The following GRM7 variants were observed in gnomAD, a reference collection of about 807,000 sequenced individuals.
GRM7 encodes metabotropic glutamate receptor 7.
GRM7 carries 35 observed loss-of-function variants against 84.5 expected under a neutral mutation model. The observed-to-expected ratio is 0.41, with a 90% CI of 0.32 to 0.55. The LOEUF is 0.55. Ranked by LOEUF, GRM7 falls within the 20% of genes least tolerant of loss-of-function variation. The pLI is 0.19. For missense variants in GRM7, 1,003 were observed against 1,194.6 expected, an observed-to-expected ratio of 0.84 and a Z score of 2.36; for synonymous variants, 487 against 455.1, an observed-to-expected ratio of 1.07 and a Z score of -0.89.
intron 7 of GRM7, among the ~76,000 whole-genome samples, chr3:7,560,634 A>C (rs886527253): frequency 3.3e-5 from 5 of 152,072 alleles, no homozygotes; most frequent in Non-Finnish European, 5.9e-5. Context: ...TTGTTGGTGC[A>C]TTCAAGTTTG....
At chr3:6,994,739 T>C (rs1173034106) in intron 1 of GRM7, among the ~76,000 whole-genome samples, 36 of 152,230 alleles carry the variant, frequency 2.4e-4, no homozygotes. Context: ...CAAAATCTTT[T>C]CCAATATCTT....
intron 7 of GRM7, among the ~76,000 whole-genome samples, chr3:7,515,949 C>G (rs188204366): frequency 6.6e-6 from 1 of 151,668 alleles, no homozygotes; most frequent in African/African-American, 2.4e-5. Flanking sequence ...TCAAGACGAG[C>G]CTGGGAAACA....
intron 4 of GRM7, among the ~76,000 whole-genome samples, chr3:7,404,699 C>G (rs533065753): frequency 4.6e-5 from 7 of 152,042 alleles, no homozygotes; most frequent in Non-Finnish European, 7.4e-5. Flanking sequence ...CAGATACTGT[C>G]CCTTTAAGAT....
chr3:6,898,825 C>CAAA lies in GRM7; in HGVS notation c.519+36928_519+36930dup, dbSNP rs58274974. Reference sequence around the variant, plus strand: ...AGTATGAGATTCTATCTCAAAAAAACAAAAAAAAAAAATGAAGAAAGAAAA... The same window carrying CAAA: ...AGTATGAGATTCTATCTCAAAAAAACAAAAAAAAAAAAAAATGAAGAAAGAAAA... On this transcript the variant is annotated intron_variant, in intron 1 of 9. Transcript: ENST00000357716. 8.3e-4 allele frequency among the ~76,000 whole-genome samples: 119 copies of CAAA among 142,724 alleles called. 1 individual carries two copies. The highest frequency in any genetic ancestry group is 2.8e-3 in the African/African-American group (109 of 39,620). 93.6% of individuals were successfully genotyped at this position (142,724 alleles called of 152,430 possible).
At chr3:7,531,305 C>T (rs1344531153) in intron 7 of GRM7, among the ~76,000 whole-genome samples, 1 of 152,056 alleles carries the variant, frequency 6.6e-6, no homozygotes, top group Non-Finnish European at 1.5e-5. Context: ...TGGTCTATAT[C>T]TCTGTTTTGG....
chr3:7,520,246 G>A (rs1344186733), intron 7 of GRM7: 3 of 152,152 alleles, frequency 2.0e-5, no homozygotes, highest in Non-Finnish European at 2.9e-5. Context: ...TCCCAGAAGA[G>A]CTTGGTAATC....
intron 8 of GRM7, among the ~76,000 whole-genome samples, chr3:7,660,645 A>G (rs1156887193): frequency 6.6e-6 from 1 of 152,316 alleles, no homozygotes. Context: ...AAACTGACAC[A>G]CTTTTTCTAA....
intron 1 of GRM7, among the ~76,000 whole-genome samples, chr3:6,998,852 G>A (rs1265999686): frequency 6.6e-6 from 1 of 152,164 alleles, no homozygotes; most frequent in Non-Finnish European, 1.5e-5. Context: ...AAGCAGCAAG[G>A]CCCTGGGCCC....
chr3:7,454,794 G>A (rs947649747), intron 6 of GRM7, among the ~76,000 whole-genome samples: 4 of 152,014 alleles, frequency 2.6e-5, no homozygotes, highest in Non-Finnish European at 5.9e-5. Context: ...TACATGCAAT[G>A]GGTAAATATA....
At chr3:7,577,816 A>G (rs1033110836) in intron 7 of GRM7, among the ~76,000 whole-genome samples, 4 of 152,238 alleles carry the variant, frequency 2.6e-5, no homozygotes, top group African/African-American at 9.6e-5. Context: ...CTGTGATAGT[A>G]GATTCACATT....
intron 1 of GRM7, among the ~76,000 whole-genome samples, chr3:7,018,075 C>A (rs1296751767): frequency 2.0e-5 from 3 of 151,972 alleles, no homozygotes; most frequent in Admixed American, 2.0e-4. Flanking sequence ...TTTCTAGTAA[C>A]CATGATAAGA....
intron 2 of GRM7, among the ~76,000 whole-genome samples, chr3:7,268,916 C>T (rs192716774): frequency 4.6e-5 from 7 of 152,126 alleles, no homozygotes; most frequent in Non-Finnish European, 1.0e-4. Context: ...CCAATGGCCT[C>T]CTATAAGTTT....
intron 1 of GRM7, among the ~76,000 whole-genome samples, chr3:7,067,265 T>C (rs1697701569): frequency 6.6e-6 from 1 of 151,792 alleles, no homozygotes. Flanking sequence ...CTTTACCTTG[T>C]AAACCCTACG....
chr3:7,310,811 T>C (rs1700363801), intron 4 of GRM7, among the ~76,000 whole-genome samples: 1 of 152,142 alleles, frequency 6.6e-6, no homozygotes, highest in Non-Finnish European at 1.5e-5. Context: ...TTTTATGGTT[T>C]CTGAGTTATA....
chr3:7,323,703 T>C (rs1396404), intron 4 of GRM7, among the ~76,000 whole-genome samples: 64,046 of 152,104 alleles, frequency 0.42, 13,554 homozygotes, highest in Middle Eastern at 0.5. Context: ...TAACGTGTCA[T>C]GGTTTTGTTA....
intron 2 of GRM7, among the ~76,000 whole-genome samples, chr3:7,172,975 G>T (rs1450599364): frequency 6.6e-6 from 1 of 151,942 alleles, no homozygotes; most frequent in Non-Finnish European, 1.5e-5. Flanking sequence ...ATGTGTATGT[G>T]TATATATAGA....
chr3:7,303,326 G>C (rs1009982694), intron 3 of GRM7, among the ~76,000 whole-genome samples: 4 of 152,132 alleles, frequency 2.6e-5, no homozygotes, highest in African/African-American at 9.7e-5. Flanking sequence ...TTAGTCTCCT[G>C]TTCCATCTCA....
At chr3:7,551,084 T>G (rs972847712) in intron 7 of GRM7, among the ~76,000 whole-genome samples, 1 of 152,206 alleles carries the variant, frequency 6.6e-6, no homozygotes, top group Non-Finnish European at 1.5e-5. Context: ...TTTTTCAAAT[T>G]TCTGCATGTC....
chr3:7,065,354 A>G (rs1004688064), intron 1 of GRM7, among the ~76,000 whole-genome samples: 12 of 151,772 alleles, frequency 7.9e-5, no homozygotes, highest in African/African-American at 2.9e-4. Flanking sequence ...TCCAGCTTGA[A>G]TTGAGTTTTG....
Sources: allele counts gnomAD v4.1 joint callset (sites outside exome capture counted in the v4.1 genomes callset), GRCh38; gene constraint gnomAD v4.1.1; transcripts MANE v1.5; gene names NCBI Gene and HGNC (gene_info 2026-07-23, HGNC 2026-07-21).